The following PTPRN2 variants were observed in gnomAD, a reference collection of about 807,000 sequenced individuals.
The protein encoded by PTPRN2 is protein tyrosine phosphatase receptor type N2.
In PTPRN2, 74 loss-of-function variants were observed where a neutral mutation model predicts 118.8. The ratio of observed to expected loss-of-function variants is 0.62; its 90% CI spans 0.52 to 0.76. The LOEUF is 0.76. PTPRN2 is among the 30% of genes least tolerant of loss of function. PTPRN2 has a pLI of 0.00. For missense variants in PTPRN2, 1,481 were observed against 1,394.4 expected, an observed-to-expected ratio of 1.06 and a Z score of -0.99; for synonymous variants, 641 against 608.0, an observed-to-expected ratio of 1.05 and a Z score of -0.80.
chr7:158,267,411 G>C (rs1226440341), intron 3 of PTPRN2, among the ~76,000 whole-genome samples: 1 of 152,222 alleles, frequency 6.6e-6, no homozygotes, highest in Non-Finnish European at 1.5e-5. Flanking sequence ...AAGCCAGGGA[G>C]CATGTTTTTG....
At chr7:157,975,093 G>C (rs1459483919) in intron 11 of PTPRN2, among the ~76,000 whole-genome samples, 1 of 152,086 alleles carries the variant, frequency 6.6e-6, no homozygotes, top group Non-Finnish European at 1.5e-5. Flanking sequence ...GTGCAGCCCA[G>C]GCCCAGCACA....
intron 2 of PTPRN2, among the ~76,000 whole-genome samples, chr7:158,450,818 G>A (rs962195589): frequency 3.9e-5 from 6 of 152,206 alleles, no homozygotes; most frequent in Non-Finnish European, 7.3e-5. Context: ...GCTTCCTTGC[G>A]CATCTCCCTG....
intron 5 of PTPRN2, 27 bp downstream of exon 5, chr7:158,192,300 G>T: frequency 6.9e-7 from 1 of 1,443,838 alleles, no homozygotes. Flanking sequence ...AGCCAACCCC[G>T]GCCCGGGGAG....
chr7:158,577,856 CA>C (rs1828424333), intron 1 of PTPRN2, among the ~76,000 whole-genome samples: 1 of 152,230 alleles, frequency 6.6e-6, no homozygotes, highest in Non-Finnish European at 1.5e-5. Context: ...GGGCCCTGTG[CA>C]AACTCTGAAT....
In PTPRN2 at chr7:158,531,842, T is replaced by C. The variant is rs1049117432; in HGVS notation, c.113-42057A>G. On this transcript the variant is annotated intron_variant, in intron 1 of 22. Transcript: ENST00000389418. ...ATATTTTACACAAACACATGCCTCC[T>C]CCCAGCCACGCTGGCTCCAACCTAC... Among the ~76,000 whole-genome samples, 40 of 152,088 alleles carry C rather than the reference T, an allele frequency of 2.6e-4. 1 individual carries two copies. Among genetic ancestry groups the C allele is most frequent in the Admixed American group, 1.3e-4 (2 of 15,270 alleles).
intron 12 of PTPRN2, among the ~76,000 whole-genome samples, chr7:157,895,307 G>A (rs1797047715): frequency 6.6e-6 from 1 of 151,660 alleles, no homozygotes; most frequent in Non-Finnish European, 1.5e-5. Context: ...AAATAAGCCA[G>A]AGGATCTGGA....
In PTPRN2 at chr7:158,052,339, G is replaced by A. The variant is rs190142326; in HGVS notation, c.1723+28959C>T. Among the ~76,000 whole-genome samples the A allele has an allele frequency of 1.1e-4, 16 of 152,354 alleles. No individual in the cohort carries two copies. In the South Asian group the frequency reaches 1.2e-3, roughly 12 times the overall value. ...AACCCAGGTATGAAAATTGGATTGC[G>A]AAAGTTAAAGACAGAGAGAAAGCCT... On this transcript the variant is annotated intron_variant, in intron 11 of 22. Coordinates refer to ENST00000389418, the MANE Select transcript of PTPRN2 (RefSeq NM_002847.5).
chr7:157,813,891 T>C lies in PTPRN2; in HGVS notation c.1788+84782A>G, dbSNP rs1806214187. Among the ~76,000 whole-genome samples the C allele has an allele frequency of 6.6e-6, 1 of 152,242 alleles. No individual in the cohort carries two copies. The highest frequency in any genetic ancestry group is 6.5e-5 in the Admixed American group (1 of 15,286). On this transcript the variant is annotated intron_variant, in intron 12 of 22. Transcript: ENST00000389418. The surrounding 1 kb of genome is among the most constrained non-coding windows in gnomAD (Gnocchi z 4.7). ...GGCCCAAGAACGTGCATTTGCGTTG[T>C]TCCCCAGGTGATGCTGCTGGTGACC...
chr7:157,760,078 C>T (rs897963932), intron 12 of PTPRN2, among the ~76,000 whole-genome samples: 5 of 152,228 alleles, frequency 3.3e-5, no homozygotes, highest in African/African-American at 1.2e-4. Flanking sequence ...GGTGCTGTCC[C>T]CCCAACGCCA....
At position 158,167,269 on chromosome 7, in the gene PTPRN2, C is replaced by T; in HGVS notation, c.572G>A (p.Ser191Asn). 6.2e-7 allele frequency: 1 copy of T among 1,605,322 alleles called. No homozygotes were observed. Among genetic ancestry groups the T allele is most frequent in the Non-Finnish European group, 8.5e-7 (1 of 1,175,446 alleles). Residue 191 changes from serine to asparagine, a missense_variant, in exon 6 of 23, where the codon AGC (serine) becomes AAC (asparagine). Transcript: ENST00000389418. ...CGTGTGGGCCACATAGGTCAGGATG[C>T]TCTCGGAGAAGCGGTCATCACCCTG... ...PAEGDDRFSE[S>N]ILTYVAHTSA...
At chr7:157,774,993 G>A (rs1047736821) in intron 12 of PTPRN2, among the ~76,000 whole-genome samples, 9 of 152,220 alleles carry the variant, frequency 5.9e-5, no homozygotes, top group Non-Finnish European at 1.2e-4. Context: ...CACAATGAAA[G>A]CAAAGTCAGG....
chr7:157,608,716 A>T (rs1033965881), intron 15 of PTPRN2, among the ~76,000 whole-genome samples: 1 of 152,154 alleles, frequency 6.6e-6, no homozygotes, highest in Admixed American at 6.5e-5. Context: ...GGCCAACCCC[A>T]GGCTGGAGAT....
intron 12 of PTPRN2, among the ~76,000 whole-genome samples, chr7:157,828,177 G>A (rs1807311622): frequency 6.6e-6 from 1 of 152,204 alleles, no homozygotes; most frequent in Admixed American, 6.5e-5. Context: ...AGAGGAAGAT[G>A]GTGGGAGGTC....
intron 2 of PTPRN2, among the ~76,000 whole-genome samples, chr7:158,333,903 C>G (rs1338882336): frequency 1.9e-3 from 273 of 143,400 alleles, no homozygotes; most frequent in African/African-American, 6.8e-3. Flanking sequence ...CTGACACCCG[C>G]AGACGTCACT....
At position 158,003,663 on chromosome 7, in the gene PTPRN2, C is replaced by T. The variant is rs569630333; in HGVS notation, c.1723+77635G>A. On this transcript the variant is annotated intron_variant, in intron 11 of 22. Transcript: ENST00000389418. The surrounding 1 kb of genome is among the most constrained non-coding windows in gnomAD (Gnocchi z 5.0). ...GTCTGCCCCACCTGTGGGGCTTCAC[C>T]GTGGCCACCCGAGCTGACTGACAGG... Among the ~76,000 whole-genome samples the T allele has an allele frequency of 1.3e-5, 2 of 152,120 alleles. No homozygotes were observed. Among genetic ancestry groups the T allele is most frequent in the Admixed American group, 1.3e-4 (2 of 15,292 alleles).
chr7:157,559,989 G>A (rs1799099085), intron 21 of PTPRN2, among the ~76,000 whole-genome samples: 1 of 152,210 alleles, frequency 6.6e-6, no homozygotes, highest in Admixed American at 6.5e-5. Context: ...GCCTGGATGG[G>A]CCTGGATGGG....
intron 11 of PTPRN2, among the ~76,000 whole-genome samples, chr7:157,931,058 G>T (rs1799329019): frequency 1.3e-5 from 2 of 152,098 alleles, no homozygotes; most frequent in Admixed American, 1.3e-4. Context: ...TCCTTCTGCC[G>T]CTGCAGGAGC....
intron 1 of PTPRN2, among the ~76,000 whole-genome samples, chr7:158,503,710 T>C (rs1322299581): frequency 6.6e-6 from 1 of 152,206 alleles, no homozygotes; most frequent in East Asian, 1.9e-4. Context: ...TGAAACATTA[T>C]TGGGAACTGG....
At chr7:158,528,685 T>G (rs1222883586) in intron 1 of PTPRN2, among the ~76,000 whole-genome samples, 1 of 149,076 alleles carries the variant, frequency 6.7e-6, no homozygotes, top group Non-Finnish European at 1.5e-5. Flanking sequence ...TTCCAGCTAC[T>G]CGGGAGGCTG....
Sources: allele counts gnomAD v4.1 joint callset (sites outside exome capture counted in the v4.1 genomes callset), GRCh38; gene constraint gnomAD v4.1.1; non-coding constraint Gnocchi (gnomAD v3.1); transcripts MANE v1.5; gene names NCBI Gene and HGNC (gene_info 2026-07-23, HGNC 2026-07-21).